The following TNIK variants were observed in gnomAD, a reference collection of about 807,000 sequenced individuals.
TNIK encodes the protein TRAF2 and NCK interacting kinase.
A neutral mutation model predicts 191.3 loss-of-function variants in TNIK; 49 were observed. The observed-to-expected ratio is 0.26, with a 90% CI of 0.20 to 0.32. The LOEUF (loss-of-function observed/expected upper bound fraction) is 0.32, where lower values mean the gene tolerates loss of function less well. Among genes scored for constraint, TNIK ranks in the 10% least tolerant of loss-of-function variants. The probability of loss-of-function intolerance (pLI) is 1.00; values close to 1 mark genes in which losing one functional copy is unlikely to be tolerated. For synonymous variants in TNIK, 594 were observed against 600.9 expected, an observed-to-expected ratio of 0.99 and a Z score of 0.17; for missense variants, 1,155 against 1,702.3, an observed-to-expected ratio of 0.68 and a Z score of 5.66.
At chr3:171,117,362 G>C (rs1726894066) in intron 18 of TNIK, among the ~76,000 whole-genome samples, 1 of 152,178 alleles carries the variant, frequency 6.6e-6, no homozygotes, top group Non-Finnish European at 1.5e-5. Flanking sequence ...AAGGTTATCA[G>C]AGCTCAAATC....
At position 171,123,673 on chromosome 3, in the gene TNIK, T is replaced by C. The variant is rs765870435; in HGVS notation, c.2043A>G (p.Pro681=). Residue 681 remains proline (P), a synonymous_variant, in exon 18 of 33, where the codon CCA becomes CCG. Coordinates refer to ENST00000436636, the MANE Select transcript of TNIK (RefSeq NM_015028.4). Reference sequence around the variant, plus strand: ...CAGGAGAATTCTTTCTGGCTAATGCTGGGGATATAGAAGTTGTTCTTTGAG... The same window carrying C: ...CAGGAGAATTCTTTCTGGCTAATGCCGGGGATATAGAAGTTGTTCTTTGAG... ...KVPQRTTSIS[P]ALARKNSPGN... 3 of 1,575,186 alleles carry C rather than the reference T, an allele frequency of 1.9e-6. No individual in the cohort carries two copies. Among genetic ancestry groups the C allele is most frequent in the Admixed American group, 1.8e-5 (1 of 54,714 alleles).
At chr3:171,167,018 C>T (rs1734701826) in intron 10 of TNIK, 77 bp downstream of exon 10, 2 of 1,493,098 alleles carry the variant, frequency 1.3e-6, no homozygotes, top group Non-Finnish European at 1.8e-6. Context: ...TCCCCATAGT[C>T]ACCTCCAAAT....
At chr3:171,454,904 A>G (rs1728615178) in intron 1 of TNIK, among the ~76,000 whole-genome samples, 2 of 152,264 alleles carry the variant, frequency 1.3e-5, no homozygotes, top group African/African-American at 4.8e-5. Flanking sequence ...GGGAAAAGAT[A>G]AAACTTTAGG....
chr3:171,306,958 C>T (rs192963375), intron 2 of TNIK, among the ~76,000 whole-genome samples: 19 of 152,078 alleles, frequency 1.2e-4, no homozygotes, highest in South Asian at 8.4e-4. Flanking sequence ...ACACAAGCCC[C>T]GGGAACAAAG....
chr3:171,077,432 G>C (rs558033275), intron 28 of TNIK, among the ~76,000 whole-genome samples: 8 of 152,326 alleles, frequency 5.3e-5, no homozygotes, highest in Admixed American at 5.2e-4. Context: ...AGTAAATCAT[G>C]TGTGATAAAG....
intron 10 of TNIK, among the ~76,000 whole-genome samples, chr3:171,166,200 T>C (rs1734603083): frequency 1.3e-5 from 2 of 152,246 alleles, no homozygotes; most frequent in Admixed American, 6.5e-5. Context: ...AAAGTGATTC[T>C]GAAATTACTG....
chr3:171,277,648 T>C (rs774915050), intron 2 of TNIK, among the ~76,000 whole-genome samples: 1 of 152,172 alleles, frequency 6.6e-6, no homozygotes, highest in Non-Finnish European at 1.5e-5. Context: ...GTGCCTGTTT[T>C]TGTAAATGAA....
intron 2 of TNIK, among the ~76,000 whole-genome samples, chr3:171,352,421 C>G (rs1368876997): frequency 6.6e-6 from 1 of 152,192 alleles, no homozygotes; most frequent in Non-Finnish European, 1.5e-5. Context: ...GACTTAGCCA[C>G]ATGTTCTTTT....
Position 171,435,805 on chromosome 3 carries a change from C to T in TNIK, c.57+24202G>A, listed in dbSNP as rs181960758. Among the ~76,000 whole-genome samples, 324 of 152,226 alleles carry T rather than the reference C, an allele frequency of 2.1e-3. 2 individuals are homozygous for T. The highest frequency in any genetic ancestry group is 7.3e-3 in the African/African-American group (302 of 41,510). On this transcript the variant is annotated intron_variant, in intron 1 of 32. Coordinates refer to ENST00000436636, the MANE Select transcript of TNIK (RefSeq NM_015028.4). ...ACAAAGCAAGAAACACACATTATTG[C>T]TTATTAATAAATAATACTTCACATA...
At chr3:171,073,833 ATACT>A in intron 28 of TNIK, among the ~76,000 whole-genome samples, 1 of 150,644 alleles carries the variant, frequency 6.6e-6, no homozygotes, top group Non-Finnish European at 1.5e-5. Context: ...AGAATGGCTA[ATACT>A]AAAAGGTCAA....
chr3:171,398,109 A>G (rs1720481445), intron 1 of TNIK, among the ~76,000 whole-genome samples: 1 of 152,230 alleles, frequency 6.6e-6, no homozygotes, highest in Admixed American at 6.5e-5. Flanking sequence ...TTTCCCATTT[A>G]CTGATTCTTT....
intron 2 of TNIK, among the ~76,000 whole-genome samples, chr3:171,329,257 A>T (rs1756148247): frequency 6.6e-6 from 1 of 152,222 alleles, no homozygotes; most frequent in South Asian, 2.1e-4. Flanking sequence ...TTATCATTTT[A>T]AAAAATTATT....
chr3:171,319,044 A>G (rs1754925149), intron 2 of TNIK, among the ~76,000 whole-genome samples: 1 of 152,056 alleles, frequency 6.6e-6, no homozygotes, highest in Non-Finnish European at 1.5e-5. Context: ...GCTGGGAAAG[A>G]TGATTGCACC....
At chr3:171,200,359 T>G (rs1414320383) in intron 4 of TNIK, among the ~76,000 whole-genome samples, 1 of 152,194 alleles carries the variant, frequency 6.6e-6, no homozygotes, top group African/African-American at 2.4e-5. Context: ...AACCAACTTA[T>G]TAGAGAAAAG....
At chr3:171,177,136 A>G (rs781268339) in intron 8 of TNIK, among the ~76,000 whole-genome samples, 190 bp downstream of exon 8, 17 of 151,436 alleles carry the variant, frequency 1.1e-4, no homozygotes, top group African/African-American at 3.9e-4. Context: ...TAAAAACAGG[A>G]TTCTCCCACT....
chr3:171,313,016 G>A (rs1381200099), intron 2 of TNIK, among the ~76,000 whole-genome samples: 4 of 151,676 alleles, frequency 2.6e-5, no homozygotes, highest in East Asian at 1.9e-4. Context: ...AGGGTGCTAC[G>A]CCGAATAAGA....
At chr3:171,242,766 T>C (rs1745139727) in intron 2 of TNIK, among the ~76,000 whole-genome samples, 1 of 152,232 alleles carries the variant, frequency 6.6e-6, no homozygotes, top group African/African-American at 2.4e-5. Context: ...ACACAATATT[T>C]ATTAACCACT....
intron 1 of TNIK, among the ~76,000 whole-genome samples, chr3:171,408,570 T>C (rs1247078996): frequency 5.3e-5 from 8 of 152,224 alleles, no homozygotes; most frequent in African/African-American, 1.4e-4. Flanking sequence ...TCTGGCATCA[T>C]TGACTGCCTC....
chr3:171,405,425 T>C (rs1231701085), intron 1 of TNIK, among the ~76,000 whole-genome samples: 7 of 151,724 alleles, frequency 4.6e-5, no homozygotes, highest in Admixed American at 6.6e-5. Flanking sequence ...GCCTAAGTAG[T>C]GGGCATTTAA....
Sources: allele counts gnomAD v4.1 joint callset (sites outside exome capture counted in the v4.1 genomes callset), GRCh38; gene constraint gnomAD v4.1.1; transcripts MANE v1.5; gene names NCBI Gene and HGNC (gene_info 2026-07-23, HGNC 2026-07-21).